The following SMARCA2 variants were observed in gnomAD, a reference collection of about 807,000 sequenced individuals.
SMARCA2 encodes SWI/SNF-related matrix-associated actin-dependent regulator of chromatin subfamily A member 2.
In SMARCA2, 61 loss-of-function variants were observed where a neutral mutation model predicts 199.8. The observed-to-expected ratio is 0.31, with a 90% CI of 0.25 to 0.38. The LOEUF (loss-of-function observed/expected upper bound fraction) is 0.38, where lower values mean the gene tolerates loss of function less well. SMARCA2 is among the 10% of genes least tolerant of loss of function. The pLI is 1.00. For missense variants in SMARCA2, 1,344 were observed against 2,012.2 expected (o/e 0.67, Z 6.35); for synonymous variants, 935 against 732.0 (o/e 1.28, Z -4.48).
chr9:2,135,225 G>A (rs567952751), intron 27 of SMARCA2, among the ~76,000 whole-genome samples: 1 of 152,322 alleles, frequency 6.6e-6, no homozygotes, highest in African/African-American at 2.4e-5. Flanking sequence ...CACAGCTCAA[G>A]AAAAGAAGGA....
chr9:2,166,951 G>C (rs1002400102), intron 28 of SMARCA2, among the ~76,000 whole-genome samples: 1 of 152,176 alleles, frequency 6.6e-6, no homozygotes, highest in Non-Finnish European at 1.5e-5. Context: ...TTTTCTAAGA[G>C]ACCTCCTGCT....
intron 29 of SMARCA2, among the ~76,000 whole-genome samples, chr9:2,173,751 TG>T (rs1826386369): frequency 6.6e-6 from 1 of 152,202 alleles, no homozygotes; most frequent in Non-Finnish European, 1.5e-5. Context: ...GAAGTCTTGC[TG>T]TAAAGTCAGC....
chr9:2,128,854 T>C (rs1481400004), intron 27 of SMARCA2, among the ~76,000 whole-genome samples: 1 of 152,116 alleles, frequency 6.6e-6, no homozygotes, highest in African/African-American at 2.4e-5. Flanking sequence ...AGGGGGAGTA[T>C]TGCATTTCAA....
Position 2,110,427 on chromosome 9 carries a change from T to G in SMARCA2, c.3456+10T>G, listed in dbSNP as rs765226795. ...CTGGAATCCTCATCAGGTCTGCATGTCCCACTCAGGTGCCCAGGCCTCCCT... is the reference window on the plus strand; with the variant it reads ...CTGGAATCCTCATCAGGTCTGCATGGCCCACTCAGGTGCCCAGGCCTCCCT... On this transcript the variant is annotated intron_variant, in intron 24 of 33. Transcript: ENST00000349721. This position sits in a 1 kb window ranked among gnomAD's most constrained non-coding sequence, Gnocchi z 4.8. 1 of 1,581,602 alleles carries G rather than the reference T, an allele frequency of 6.3e-7. No individual in the cohort carries two copies. The highest frequency in any genetic ancestry group is 1.2e-5 in the South Asian group (1 of 85,448).
intron 29 of SMARCA2, among the ~76,000 whole-genome samples, chr9:2,174,207 A>C (rs1485592561): frequency 6.6e-6 from 1 of 152,156 alleles, no homozygotes; most frequent in African/African-American, 2.4e-5. Flanking sequence ...CACCAGCATA[A>C]AGGACCCCTC....
chr9:2,191,336 G>A lies in SMARCA2; in HGVS notation c.4665G>A (p.Lys1555=). ...DDKGRDKGKG[K]KRPNRGKAKP... is the part of the protein sequence containing the mutation. ...AAGGCCGGGACAAAGGGAAAGGCAAGAAAAGGCCAAATCGAGGAAAAGCCA... is the reference window on the plus strand; with the variant it reads ...AAGGCCGGGACAAAGGGAAAGGCAAAAAAAGGCCAAATCGAGGAAAAGCCA... The change falls in exon 33 of 34, where the codon AAG becomes AAA. Residue 1555 remains lysine, a synonymous_variant. Coordinates refer to ENST00000349721, the MANE Select transcript of SMARCA2 (RefSeq NM_003070.5). The A allele has an allele frequency of 6.2e-7, 1 of 1,614,198 alleles. No individual in the cohort carries two copies. Among genetic ancestry groups the A allele is most frequent in the Non-Finnish European group, 8.5e-7 (1 of 1,180,016 alleles).
At chr9:2,136,188 T>TC (rs1157791969) in intron 27 of SMARCA2, among the ~76,000 whole-genome samples, 2 of 99,378 alleles carry the variant, frequency 2.0e-5, no homozygotes, top group African/African-American at 1.8e-4. Context: ...CCCTGCTTCT[T>TC]TTTTTTTTTT....
chr9:2,058,745 G>A (rs963628034), intron 8 of SMARCA2, among the ~76,000 whole-genome samples: 2 of 152,110 alleles, frequency 1.3e-5, no homozygotes, highest in Admixed American at 1.3e-4. Context: ...AGCAGGTACT[G>A]TATTTTGCAT....
In SMARCA2 at chr9:2,028,940, A is replaced by G. The variant is rs1818946482; in HGVS notation, c.-36-47A>G. On this transcript the variant is annotated intron_variant, in intron 1 of 33. Coordinates refer to ENST00000349721, the MANE Select transcript of SMARCA2 (RefSeq NM_003070.5). ...TAACAATTGTTTTATTCTGGTCTTA[A>G]CATCATGTTTAAAACATGCCTTCCT... 7.0e-7 allele frequency: 1 copy of G among 1,436,298 alleles called. No individual in the cohort carries two copies. The highest frequency in any genetic ancestry group is 9.4e-7 in the Non-Finnish European group (1 of 1,059,076). 89.0% of individuals were successfully genotyped at this position (1,436,298 alleles called of 1,614,324 possible).
intron 27 of SMARCA2, among the ~76,000 whole-genome samples, chr9:2,144,033 G>A (rs1824594282): frequency 6.6e-6 from 1 of 152,018 alleles, no homozygotes; most frequent in South Asian, 2.1e-4. Flanking sequence ...GTGCAATACA[G>A]AATCGTACAT....
chr9:2,159,618 A>T, intron 27 of SMARCA2: 1 of 553,732 alleles, frequency 1.8e-6, no homozygotes, highest in Non-Finnish European at 3.0e-6. Flanking sequence ...TGGAATAATA[A>T]GGGGAAAAAA....
rs778051219 is a variant in SMARCA2, at chr9:2,077,726, G to C, written c.2134G>C (p.Val712Leu). The part of the protein sequence containing the change: ...YTVAHAISER[V>L]EKQSALLING... Reference sequence around the variant, plus strand: ...CGTGGCTCATGCCATCTCGGAGAGGGTGGAGAAACAGTCTGCCCTCCTAAT... The same window carrying C: ...CGTGGCTCATGCCATCTCGGAGAGGCTGGAGAAACAGTCTGCCCTCCTAAT... The change falls in exon 14 of 34, where the codon GTG (valine) becomes CTG (leucine). Residue 712 changes from valine to leucine, a missense_variant. Val to Leu is a conservative substitution (Grantham distance 32). Coordinates refer to ENST00000349721, the MANE Select transcript of SMARCA2 (RefSeq NM_003070.5). 5.0e-6 allele frequency: 8 copies of C among 1,614,008 alleles called. No homozygotes were observed. Among genetic ancestry groups the C allele is most frequent in the African/African-American group, 4.0e-5 (3 of 75,042 alleles).
intron 32 of SMARCA2, among the ~76,000 whole-genome samples, chr9:2,189,831 G>GCTTATGTTTCTGTGGGAGATTTTA (rs1266515035): frequency 2.0e-5 from 3 of 152,150 alleles, no homozygotes; most frequent in Non-Finnish European, 4.4e-5. Flanking sequence ...TCTTCTGTTA[G>GCTTATGTTTCTGTGGGAGATTTTA]CTTATGTTTC....
At chr9:2,095,762 C>T (rs796210283) in intron 19 of SMARCA2, among the ~76,000 whole-genome samples, 1 of 152,356 alleles carries the variant, frequency 6.6e-6, no homozygotes, top group African/African-American at 2.4e-5. Context: ...GATCATTTTA[C>T]ATCAGTTTAT....
At chr9:2,168,980 C>T (rs1207422185) in intron 28 of SMARCA2, among the ~76,000 whole-genome samples, 1 of 151,712 alleles carries the variant, frequency 6.6e-6, no homozygotes, top group African/African-American at 2.4e-5. Context: ...GGTTTTCCTC[C>T]CGTCACTCGT....
At chr9:2,107,075 C>T (rs980408834) in intron 23 of SMARCA2, among the ~76,000 whole-genome samples, 1 of 151,952 alleles carries the variant, frequency 6.6e-6, no homozygotes, top group African/African-American at 2.4e-5. Context: ...TAGTTTGAAT[C>T]TCCCTGAACA....
rs1474033522 is a variant in SMARCA2, at chr9:2,051,836, A to G, written c.1047-2761A>G. Among the ~76,000 whole-genome samples the G allele has an allele frequency of 2.6e-5, 4 of 152,248 alleles. No individual in the cohort carries two copies. The East Asian group carries it at 5.8e-4, about 22-fold the overall frequency. ...TCTCAGTTTTATTTTTTCCCTTTAA[A>G]TTATATATTTCAAAAAAAATCAATA... is the stretch of plus-strand genomic sequence containing the variant. On this transcript the variant is annotated intron_variant, in intron 5 of 33. Transcript: ENST00000349721.
chr9:2,046,495 T>C (rs1440336976), intron 4 of SMARCA2, among the ~76,000 whole-genome samples: 1 of 152,182 alleles, frequency 6.6e-6, no homozygotes, highest in African/African-American at 2.4e-5. Flanking sequence ...TTTTCTAATA[T>C]GTAGTAAGAA....
rs200077673 is a variant in SMARCA2 at position 2,139,647 on chromosome 9, A to C, written c.3981+15710A>C. ...CTCCATTTTTATAATCACTACCCCC[A>C]ATATAGTCGCTACTCCAGGTGGAGT... On this transcript the variant is annotated intron_variant, in intron 27 of 33. Coordinates refer to ENST00000349721, the MANE Select transcript of SMARCA2 (RefSeq NM_003070.5). Among the ~76,000 whole-genome samples, 4 of 125,250 alleles carry C rather than the reference A, an allele frequency of 3.2e-5. No homozygotes were observed. The East Asian group carries it at 1.8e-3, about 57-fold the overall frequency. 82.2% of individuals were successfully genotyped at this position (125,250 alleles called of 152,430 possible).
Sources: allele counts gnomAD v4.1 joint callset (sites outside exome capture counted in the v4.1 genomes callset), GRCh38; gene constraint gnomAD v4.1.1; non-coding constraint Gnocchi (gnomAD v3.1); transcripts MANE v1.5; gene names NCBI Gene and HGNC (gene_info 2026-07-23, HGNC 2026-07-21).